Variants in MARCHF3 observed in about 807,000 individuals in gnomAD.
MARCHF3 encodes the protein membrane associated ring-CH-type finger 3.
A neutral mutation model predicts 24.2 loss-of-function variants in MARCHF3; 13 were observed. The ratio of observed to expected loss-of-function variants is 0.54; its 90% confidence interval spans 0.35 to 0.85. The LOEUF is 0.85. MARCHF3 is among the 40% of genes least tolerant of loss of function. MARCHF3 has a pLI of 0.01. For synonymous variants in MARCHF3, 144 were observed against 137.3 expected (o/e 1.05, Z -0.34); for missense variants, 276 against 325.0 (o/e 0.85, Z 1.16).
At chr5:126,889,028 G>T (rs543489358) in intron 3 of MARCHF3, among the ~76,000 whole-genome samples, 1 of 152,318 alleles carries the variant, frequency 6.6e-6, no homozygotes, top group Admixed American at 6.5e-5. Flanking sequence ...GCCTCCCAAA[G>T]TGCTGGGATT....
At chr5:127,005,011 T>G (rs933331373) in intron 1 of MARCHF3, among the ~76,000 whole-genome samples, 7 of 152,122 alleles carry the variant, frequency 4.6e-5, no homozygotes, top group Non-Finnish European at 8.8e-5. Flanking sequence ...GATTATTTGT[T>G]GAATACTAAA....
At chr5:126,883,732 C>T (rs1339911923) in intron 3 of MARCHF3, among the ~76,000 whole-genome samples, 1 of 152,178 alleles carries the variant, frequency 6.6e-6, no homozygotes, top group Non-Finnish European at 1.5e-5. Flanking sequence ...TGCTGTGTTA[C>T]AGAACTTTAG....
intron 1 of MARCHF3, among the ~76,000 whole-genome samples, chr5:126,926,421 C>G (rs1749298627): frequency 6.6e-6 from 1 of 152,148 alleles, no homozygotes; most frequent in Non-Finnish European, 1.5e-5. Context: ...CATTTACACA[C>G]AAGATAAGCA....
At chr5:126,913,205 C>G (rs1754600840) in intron 3 of MARCHF3, among the ~76,000 whole-genome samples, 2 of 152,224 alleles carry the variant, frequency 1.3e-5, no homozygotes, top group Non-Finnish European at 2.9e-5. Context: ...CACACACCCT[C>G]CTTTGTTATA....
intron 3 of MARCHF3, 123 bp from the exon 4 acceptor site, chr5:126,878,517 G>A: frequency 3.5e-6 from 3 of 865,120 alleles, no homozygotes; most frequent in Non-Finnish European, 5.3e-6. Flanking sequence ...TTTCTGACTT[G>A]TTATGAGATA....
chr5:126,883,117 C>T (rs1207240296), intron 3 of MARCHF3, among the ~76,000 whole-genome samples: 1 of 152,128 alleles, frequency 6.6e-6, no homozygotes, highest in Non-Finnish European at 1.5e-5. Context: ...ATTAATTTAT[C>T]CTGCCCACTT....
intron 1 of MARCHF3, among the ~76,000 whole-genome samples, chr5:126,940,691 C>A (rs189916637): frequency 1.6e-4 from 25 of 152,082 alleles, no homozygotes; most frequent in East Asian, 1.2e-3. Flanking sequence ...AAGCGATCCA[C>A]CCACCTCGGC....
At chr5:126,893,404 CCTG>C (rs1258181629) in intron 3 of MARCHF3, among the ~76,000 whole-genome samples, 1 of 151,274 alleles carries the variant, frequency 6.6e-6, no homozygotes, top group Non-Finnish European at 1.5e-5. Context: ...TTGGATCTTT[CCTG>C]CTTTCTCTTG....
chr5:127,002,794 C>A (rs1752170765), intron 1 of MARCHF3, among the ~76,000 whole-genome samples: 1 of 152,344 alleles, frequency 6.6e-6, no homozygotes, highest in Middle Eastern at 3.4e-3. Flanking sequence ...CAGATTCCAA[C>A]CCCTTCTTGG....
At chr5:126,987,749 G>A (rs1378078178) in intron 1 of MARCHF3, among the ~76,000 whole-genome samples, 2 of 152,096 alleles carry the variant, frequency 1.3e-5, no homozygotes, top group Non-Finnish European at 2.9e-5. Context: ...ACAGAGACTG[G>A]GATTTCAAGT....
chr5:126,976,468 G>C (rs900803142), intron 1 of MARCHF3, among the ~76,000 whole-genome samples: 2 of 152,192 alleles, frequency 1.3e-5, no homozygotes, highest in Non-Finnish European at 2.9e-5. Context: ...GGCTACCCTG[G>C]CTTCCTTGCA....
intron 1 of MARCHF3, among the ~76,000 whole-genome samples, chr5:127,002,901 G>A (rs558638395): frequency 2.6e-5 from 4 of 152,202 alleles, no homozygotes; most frequent in Non-Finnish European, 4.4e-5. Flanking sequence ...AATTTCTACC[G>A]GGCCAAAACT....
chr5:126,980,184 G>C (rs577352873), intron 1 of MARCHF3, among the ~76,000 whole-genome samples: 17 of 152,146 alleles, frequency 1.1e-4, no homozygotes, highest in African/African-American at 3.9e-4. Flanking sequence ...GCAGAGACTA[G>C]TAGATCCTGG....
intron 4 of MARCHF3, among the ~76,000 whole-genome samples, chr5:126,875,439 C>T (rs946111600): frequency 6.6e-6 from 1 of 152,228 alleles, no homozygotes; most frequent in Non-Finnish European, 1.5e-5. Flanking sequence ...CTCTGAGGAG[C>T]CAGGCTTGGA....
chr5:126,900,232 T>C (rs1754058875), intron 3 of MARCHF3, among the ~76,000 whole-genome samples: 1 of 152,094 alleles, frequency 6.6e-6, no homozygotes, highest in Admixed American at 6.6e-5. Flanking sequence ...CATAGGTTCA[T>C]GCCAATGAGC....
At chr5:126,985,252 C>T (rs975623875) in intron 1 of MARCHF3, among the ~76,000 whole-genome samples, 1 of 152,042 alleles carries the variant, frequency 6.6e-6, no homozygotes. Flanking sequence ...CATTGAAATG[C>T]TGCTCTTTTT....
chr5:126,991,478 C>A (rs1047279432), intron 1 of MARCHF3, among the ~76,000 whole-genome samples: 1 of 152,172 alleles, frequency 6.6e-6, no homozygotes, highest in Non-Finnish European at 1.5e-5. Flanking sequence ...AGCAAACCAA[C>A]ATGGCACATG....
chr5:127,006,928 G>C (rs571655635), intron 1 of MARCHF3, among the ~76,000 whole-genome samples: 1 of 152,082 alleles, frequency 6.6e-6, no homozygotes, highest in South Asian at 2.1e-4. Context: ...TTTATGTCTT[G>C]TAACATTACC....
At chr5:126,979,948 C>CAAAAAAAAAAAAAA (rs757849978) in intron 1 of MARCHF3, among the ~76,000 whole-genome samples, 4 of 44,906 alleles carry the variant, frequency 8.9e-5, no homozygotes, top group African/African-American at 2.2e-4. Context: ...AACTCCATCT[C>CAAAAAAAAAAAAAA]AAAAAAAAAA....
Sources: allele counts gnomAD v4.1 joint callset (sites outside exome capture counted in the v4.1 genomes callset), GRCh38; gene constraint gnomAD v4.1.1; transcripts MANE v1.5; gene names NCBI Gene and HGNC (gene_info 2026-07-23, HGNC 2026-07-21).